The following LGSN variants were observed in gnomAD, a reference collection of about 807,000 sequenced individuals.
LGSN encodes lengsin.
A neutral mutation model predicts 19.5 loss-of-function variants in LGSN; 21 were observed. The ratio of observed to expected loss-of-function variants is 1.07; its 90% CI spans 0.76 to 1.55. LGSN has a LOEUF of 1.55. LGSN is among the 40% of genes most tolerant of loss of function. The probability of loss-of-function intolerance (pLI) is 0.00; values close to 1 mark genes in which losing one functional copy is unlikely to be tolerated. For synonymous variants in LGSN, 257 were observed against 215.6 expected (o/e 1.19, Z -1.68); for missense variants, 673 against 608.5 (o/e 1.11, Z -1.12).
At chr6:63,368,415 C>T in the LGSN span, among the ~76,000 whole-genome samples, 1 of 152,184 alleles carries the variant, frequency 6.6e-6, no homozygotes, top group South Asian at 2.1e-4. Context: ...TTGTCCCCTC[C>T]GTTCCAGAAA....
chr6:63,407,434 G>T, the LGSN span, among the ~76,000 whole-genome samples: 2 of 152,134 alleles, frequency 1.3e-5, no homozygotes, highest in African/African-American at 2.4e-5. Flanking sequence ...AAAACCACAT[G>T]ATTTTCTCAA....
the LGSN span, among the ~76,000 whole-genome samples, chr6:63,354,733 C>A: frequency 6.6e-6 from 1 of 152,102 alleles, no homozygotes; most frequent in Non-Finnish European, 1.5e-5. Context: ...AGAGAATCAA[C>A]CTGTGTTCAT....
At chr6:63,345,479 C>T in the LGSN span, among the ~76,000 whole-genome samples, 1 of 152,136 alleles carries the variant, frequency 6.6e-6, no homozygotes, top group African/African-American at 2.4e-5. Flanking sequence ...TCCAAAGACA[C>T]AGTATCTTCA....
At position 63,295,035 on chromosome 6, in the gene LGSN, CT is replaced by C. The variant is rs1562010754; in HGVS notation, c.40del (p.Arg14GlufsTer12). ...EEDLLQEDST[R>X]DEGNETEANS... ...GGCTTCAGTCTCATTGCCTTCATCT[CT>C]TGTTGAGTCCTGTTGATAATTAATA... On this transcript the variant is annotated frameshift_variant, in exon 2 of 4. Transcript: ENST00000370657. LOFTEE classifies it high-confidence loss of function. 6.2e-6 allele frequency: 10 copies of C among 1,613,230 alleles called. No individual in the cohort carries two copies. The highest frequency in any genetic ancestry group is 8.5e-6 in the Non-Finnish European group (10 of 1,179,460).
the LGSN span, among the ~76,000 whole-genome samples, chr6:63,425,566 TG>T: frequency 2.0e-5 from 3 of 152,054 alleles, no homozygotes; most frequent in South Asian, 6.2e-4. Context: ...ATTCTTGAAA[TG>T]AAAAAACTAT....
chr6:63,323,607 G>C (rs890421602), upstream of LGSN, among the ~76,000 whole-genome samples: 39 of 106,838 alleles, frequency 3.7e-4, no homozygotes, highest in South Asian at 9.6e-4. Context: ...CACACACACA[G>C]GTTATGTTAA....
the LGSN span, among the ~76,000 whole-genome samples, chr6:63,327,545 A>T: frequency 2.9e-3 from 449 of 152,292 alleles, 3 homozygotes; most frequent in African/African-American, 0.01. Flanking sequence ...CCTCGGCAGT[A>T]TTGGAGAGTC....
chr6:63,413,893 T>C, the LGSN span, among the ~76,000 whole-genome samples: 1 of 152,262 alleles, frequency 6.6e-6, no homozygotes, highest in Non-Finnish European at 1.5e-5. Context: ...CATGTGTATA[T>C]ATATAATTCA....
At chr6:63,505,565 A>AAAAG in the LGSN span, among the ~76,000 whole-genome samples, 3,656 of 58,486 alleles carry the variant, frequency 0.063, 319 homozygotes, top group Middle Eastern at 0.078. Context: ...AAAAAAAAAA[A>AAAAG]AAAGAAAGAA....
chr6:63,295,311 C>T (rs1208583938), intron 1 of LGSN, among the ~76,000 whole-genome samples: 1 of 152,088 alleles, frequency 6.6e-6, no homozygotes, highest in Middle Eastern at 3.2e-3. Flanking sequence ...TGTCTAATTA[C>T]TCAAGATTTC....
chr6:63,531,512 C>CTTTTT, the LGSN span, among the ~76,000 whole-genome samples: 12 of 128,534 alleles, frequency 9.3e-5, no homozygotes, highest in African/African-American at 2.0e-4. Flanking sequence ...ATCTATTATG[C>CTTTTT]TTTTTTTTTT....
At chr6:63,553,101 A>G in the LGSN span, among the ~76,000 whole-genome samples, 1 of 152,214 alleles carries the variant, frequency 6.6e-6, no homozygotes, top group African/African-American at 2.4e-5. Context: ...GAGAATGTAT[A>G]TCTGTGTATA....
the LGSN span, among the ~76,000 whole-genome samples, chr6:63,386,344 C>T: frequency 6.6e-6 from 1 of 152,112 alleles, no homozygotes; most frequent in Non-Finnish European, 1.5e-5. Context: ...GACCTTGATC[C>T]AGCCATTGAG....
the LGSN span, among the ~76,000 whole-genome samples, chr6:63,410,189 C>A: frequency 6.6e-6 from 1 of 152,048 alleles, no homozygotes; most frequent in Admixed American, 6.6e-5. Context: ...TTATAATGTT[C>A]ACAAAAACGG....
the LGSN span, among the ~76,000 whole-genome samples, chr6:63,465,697 A>C: frequency 3.3e-5 from 5 of 152,222 alleles, no homozygotes; most frequent in African/African-American, 9.7e-5. Flanking sequence ...ATATACTAGC[A>C]TATTTTTTTT....
chr6:63,497,107 G>A, the LGSN span, among the ~76,000 whole-genome samples: 3 of 152,126 alleles, frequency 2.0e-5, no homozygotes, highest in Admixed American at 6.5e-5. Flanking sequence ...AAGTAGCTAG[G>A]ACTACAGGCA....
At chr6:63,554,872 T>G in the LGSN span, among the ~76,000 whole-genome samples, 8 of 152,202 alleles carry the variant, frequency 5.3e-5, no homozygotes, top group African/African-American at 4.8e-5. Flanking sequence ...TATTTATGTT[T>G]GTATATCCAC....
chr6:63,341,572 C>G, the LGSN span, among the ~76,000 whole-genome samples: 4 of 152,052 alleles, frequency 2.6e-5, no homozygotes, highest in Non-Finnish European at 5.9e-5. Flanking sequence ...GGGAAGACTT[C>G]CTGGTGTGCT....
At chr6:63,524,370 T>C in the LGSN span, among the ~76,000 whole-genome samples, 2 of 152,186 alleles carry the variant, frequency 1.3e-5, no homozygotes, top group Non-Finnish European at 2.9e-5. Flanking sequence ...AAAAATTATT[T>C]CATATTGAAG....
Sources: allele counts gnomAD v4.1 joint callset (sites outside exome capture counted in the v4.1 genomes callset), GRCh38; gene constraint gnomAD v4.1.1; transcripts MANE v1.5; gene names NCBI Gene and HGNC (gene_info 2026-07-23, HGNC 2026-07-21).